ITGA8: variants seen among roughly 807,000 people sequenced by gnomAD.
ITGA8 encodes the protein integrin alpha-8.
In ITGA8, 91 loss-of-function variants were observed where a neutral mutation model predicts 142.3. The ratio of observed to expected loss-of-function variants is 0.64; its 90% CI spans 0.54 to 0.76. The LOEUF (loss-of-function observed/expected upper bound fraction) is 0.76. Among genes scored for constraint, ITGA8 ranks in the 30% least tolerant of loss-of-function variants. The pLI is 0.00. For missense variants in ITGA8, 1,406 were observed against 1,327.7 expected (o/e 1.06, Z -0.92); for synonymous variants, 505 against 485.2 (o/e 1.04, Z -0.54).
At position 15,517,208 on chromosome 10, in the gene ITGA8, C is replaced by A; in HGVS notation, c.3142G>T (p.Asp1048Tyr). The part of the protein sequence containing the change: ...FFDRARPPQE[D>Y]MTDREQLTND... ...GTCAGCTGTTCCCTGTCGGTCATGT[C>A]CTCCTGAGGAGGTCTGGCTCTGTCA... The change falls in exon 30 of 30, where the codon GAC becomes TAC. Residue 1048 changes from aspartate to tyrosine, a missense_variant. Coordinates refer to ENST00000378076, the MANE Select transcript of ITGA8 (RefSeq NM_003638.3). The A allele has an allele frequency of 6.2e-7, 1 of 1,613,464 alleles. No homozygotes were observed. The highest frequency in any genetic ancestry group is 1.1e-5 in the South Asian group (1 of 91,040).
chr10:15,579,305 G>A (rs1834360006), intron 23 of ITGA8, among the ~76,000 whole-genome samples: 1 of 151,956 alleles, frequency 6.6e-6, no homozygotes, highest in Admixed American at 6.6e-5. Flanking sequence ...CAATTTTAAT[G>A]ATCTGTTTTG....
chr10:15,637,906 T>C (rs965196564), intron 13 of ITGA8, among the ~76,000 whole-genome samples: 1 of 152,036 alleles, frequency 6.6e-6, no homozygotes, highest in Non-Finnish European at 1.5e-5. Context: ...ATAGTACATA[T>C]AAAAAATACA....
chr10:15,611,770 C>G (rs139715291), intron 15 of ITGA8, among the ~76,000 whole-genome samples: 2 of 150,730 alleles, frequency 1.3e-5, no homozygotes, highest in Non-Finnish European at 2.9e-5. Flanking sequence ...TGAGCCACCG[C>G]GCCCGGCCCC....
At chr10:15,519,673 T>C (rs7902282) in intron 28 of ITGA8, among the ~76,000 whole-genome samples, 78,324 of 151,906 alleles carry the variant, frequency 0.52, 24,242 homozygotes, top group Middle Eastern at 0.7. Context: ...TAGAATAGAA[T>C]TGAGTGCATC....
At chr10:15,623,860 G>T (rs1366990277) in intron 13 of ITGA8, among the ~76,000 whole-genome samples, 1 of 152,006 alleles carries the variant, frequency 6.6e-6, no homozygotes, top group East Asian at 1.9e-4. Flanking sequence ...ATGCTGTTTT[G>T]TAGCCAAGCC....
intron 23 of ITGA8, among the ~76,000 whole-genome samples, chr10:15,582,809 T>C (rs1235614896): frequency 2.6e-5 from 4 of 152,278 alleles, no homozygotes; most frequent in African/African-American, 9.6e-5. Flanking sequence ...ACTGCAACTC[T>C]CATGCATGGT....
intron 27 of ITGA8, among the ~76,000 whole-genome samples, chr10:15,542,464 A>G (rs953450521): frequency 2.6e-5 from 4 of 152,206 alleles, no homozygotes; most frequent in Non-Finnish European, 5.9e-5. Flanking sequence ...GAATCATAAG[A>G]TGTTTTCTTT....
rs114636823 is a variant in ITGA8 at position 15,563,786 on chromosome 10, G to A, written c.2638-5584C>T. On this transcript the variant is annotated intron_variant, in intron 25 of 29. Transcript: ENST00000378076. ...AAAAATTAGCCAGGCTGGTGGTGGT[G>A]CACACCTGTAATCCCAGCTACTCAG... Among the ~76,000 whole-genome samples the A allele has an allele frequency of 5.9e-3, 895 of 152,156 alleles. 9 individuals are homozygous for A. Among genetic ancestry groups the A allele is most frequent in the African/African-American group, 0.021 (854 of 41,504 alleles).
chr10:15,548,485 C>A lies in ITGA8; in HGVS notation c.2850G>T (p.Arg950Ser). 6.2e-7 allele frequency: 1 copy of A among 1,609,572 alleles called. No individual in the cohort carries two copies. The highest frequency in any genetic ancestry group is 1.1e-5 in the South Asian group (1 of 90,284). ...EGGESAVLKV[R>S]SRLWAHTFLQ... ...GGAAGGTGTGGGCCCATAATCGTGA[C>A]CTGACTTTCAGGACTGCGCTTTCTC... The change falls in exon 27 of 30, where the codon AGG becomes AGT. Residue 950 changes from arginine to serine, a missense_variant. Coordinates refer to ENST00000378076, the MANE Select transcript of ITGA8 (RefSeq NM_003638.3).
Position 15,517,036 on chromosome 10 carries a change from TCCC to T in ITGA8, c.*119_*121del. On this transcript the variant is annotated 3_prime_UTR_variant, in exon 30 of 30. Transcript: ENST00000378076. Reference sequence around the variant, plus strand: ...TGTAGATGAGGTGATGTTTCCAGGGTCCCCTCCATTTCCTGGGTCACTGTCAGG... The same window carrying T: ...TGTAGATGAGGTGATGTTTCCAGGGTCTCCATTTCCTGGGTCACTGTCAGG... 29 of 487,082 alleles carry T rather than the reference TCCC, an allele frequency of 6.0e-5. No homozygotes were observed. The highest frequency in any genetic ancestry group is 8.3e-5 in the Admixed American group (2 of 24,238). 30.2% of individuals were successfully genotyped at this position (487,082 alleles called of 1,614,324 possible).
At chr10:15,548,010 C>T (rs1328335218) in intron 27 of ITGA8, among the ~76,000 whole-genome samples, 1 of 152,034 alleles carries the variant, frequency 6.6e-6, no homozygotes, top group Non-Finnish European at 1.5e-5. Context: ...CCTCCACATA[C>T]ATTTTATTTG....
At position 15,531,094 on chromosome 10, in the gene ITGA8, G is replaced by C. The variant is rs1304158297; in HGVS notation, c.2938C>G (p.Pro980Ala). Residue 980 changes from proline to alanine, a missense_variant, in exon 28 of 30, where the codon CCT becomes GCT. Coordinates refer to ENST00000378076, the MANE Select transcript of ITGA8 (RefSeq NM_003638.3). ...SLVSFEVKKM[P>A]YTDQPAKLPE... ...AGTTTTGCTGGCTGATCTGTATAAGGCATCTTCTTAACTTCAAAGGACACC... is the reference window on the plus strand; with the variant it reads ...AGTTTTGCTGGCTGATCTGTATAAGCCATCTTCTTAACTTCAAAGGACACC... 10 of 1,585,602 alleles carry C rather than the reference G, an allele frequency of 6.3e-6. No individual in the cohort carries two copies. Among genetic ancestry groups the C allele is most frequent in the Non-Finnish European group, 7.7e-6 (9 of 1,169,416 alleles).
At chr10:15,708,528 G>C (rs1399253429) in intron 2 of ITGA8, among the ~76,000 whole-genome samples, 1 of 152,128 alleles carries the variant, frequency 6.6e-6, no homozygotes, top group Non-Finnish European at 1.5e-5. Flanking sequence ...GGTTGACACT[G>C]TAGCCCCCAA....
intron 25 of ITGA8, among the ~76,000 whole-genome samples, chr10:15,567,942 T>C (rs1372324175): frequency 6.6e-6 from 1 of 152,172 alleles, no homozygotes; most frequent in Non-Finnish European, 1.5e-5. Context: ...AGGCAGGATG[T>C]CATGCTGTTG....
At chr10:15,643,879 G>A (rs1342225658) in intron 13 of ITGA8, 151 bp downstream of exon 13, 10 of 587,848 alleles carry the variant, frequency 1.7e-5, no homozygotes, top group Admixed American at 9.1e-5. Flanking sequence ...CATGAAAGTC[G>A]CTCTGGAATC....
At chr10:15,611,771 G>A (rs776922081) in intron 15 of ITGA8, among the ~76,000 whole-genome samples, 3 of 149,490 alleles carry the variant, frequency 2.0e-5, no homozygotes, top group Non-Finnish European at 4.4e-5. Context: ...GAGCCACCGC[G>A]CCCGGCCCCA....
chr10:15,573,038 G>T (rs9333207), intron 24 of ITGA8, among the ~76,000 whole-genome samples: 395 of 152,206 alleles, frequency 2.6e-3, no homozygotes, highest in African/African-American at 9.3e-3. Context: ...TTATTCCAGT[G>T]TTTTAAAAAT....
At chr10:15,572,938 T>A (rs537511166) in intron 24 of ITGA8, among the ~76,000 whole-genome samples, 2 of 152,340 alleles carry the variant, frequency 1.3e-5, no homozygotes, top group East Asian at 3.9e-4. Context: ...AAAGGCCACA[T>A]CTCATAAAGA....
chr10:15,672,548 A>G (rs1834543860), intron 7 of ITGA8, 76 bp downstream of exon 7: 4 of 1,484,526 alleles, frequency 2.7e-6, no homozygotes, highest in African/African-American at 2.8e-5. Context: ...CGGATAAGTC[A>G]GGGATAAAAC....
Sources: allele counts gnomAD v4.1 joint callset (sites outside exome capture counted in the v4.1 genomes callset), GRCh38; gene constraint gnomAD v4.1.1; transcripts MANE v1.5; gene names NCBI Gene and HGNC (gene_info 2026-07-23, HGNC 2026-07-21).